The following VWF variants were observed in gnomAD, a reference collection of about 807,000 sequenced individuals.
VWF encodes Factor VIII related antigen.
Under a neutral mutation model 308.6 loss-of-function variants are expected in VWF, and 176 were observed. The observed-to-expected ratio is 0.57, with a 90% CI of 0.50 to 0.65. VWF has a LOEUF of 0.65. Among genes scored for constraint, VWF ranks in the 30% least tolerant of loss-of-function variants. The pLI, the probability that VWF is intolerant of heterozygous loss-of-function variation, is 0.00. For missense variants in VWF, 3,146 were observed against 3,648.2 expected (o/e 0.86, Z 3.55); for synonymous variants, 1,385 against 1,443.4 (o/e 0.96, Z 0.92).
chr12:6,053,858 C>A (rs565337935), intron 15 of VWF, among the ~76,000 whole-genome samples: 1 of 152,238 alleles, frequency 6.6e-6, no homozygotes, highest in Non-Finnish European at 1.5e-5. Flanking sequence ...CCCAGCTCAG[C>A]GGTCCCAAGA....
intron 5 of VWF, among the ~76,000 whole-genome samples, chr12:6,107,670 A>G (rs4485164): frequency 1.3e-5 from 2 of 151,404 alleles, no homozygotes; most frequent in Non-Finnish European, 2.9e-5. Flanking sequence ...ATATATATAT[A>G]TTTTTTGAGA....
intron 40 of VWF, among the ~76,000 whole-genome samples, chr12:5,983,712 TATAA>T (rs1943639096): frequency 2.0e-5 from 3 of 150,948 alleles, no homozygotes; most frequent in African/African-American, 7.3e-5. Flanking sequence ...TAGGATAGAT[TATAA>T]ATAGATACAC....
At position 6,034,699 on chromosome 12, in the gene VWF, C is replaced by T. The variant is rs201072235; in HGVS notation, c.2674G>A (p.Val892Ile). ...TCCCCACCTCTCACCTGCACCAGAACGTACTGGCACTCCCCGGGGAACAGG... is the reference window on the plus strand; with the variant it reads ...TCCCCACCTCTCACCTGCACCAGAATGTACTGGCACTCCCCGGGGAACAGG... ...KYLFPGECQY[V>I]LVQDYCGSNP... is the part of the protein sequence containing the mutation. Residue 892 changes from valine to isoleucine, a missense_variant, in exon 20 of 52, where the codon GTT becomes ATT. Val to Ile is a conservative substitution (Grantham distance 29). Coordinates refer to ENST00000261405, the MANE Select transcript of VWF (RefSeq NM_000552.5). The T allele has an allele frequency of 3.8e-5, 61 of 1,614,062 alleles. 1 individual carries two copies. In the South Asian group the frequency reaches 4.6e-4, roughly 12 times the overall value.
At chr12:6,008,769 A>C (rs549924209) in intron 34 of VWF, among the ~76,000 whole-genome samples, 12 of 152,340 alleles carry the variant, frequency 7.9e-5, no homozygotes, top group Admixed American at 7.8e-4. Flanking sequence ...AAAACTCTAA[A>C]GATTTCACCA....
chr12:5,971,834 T>A, intron 43 of VWF, 125 bp from the exon 44 acceptor site: 1 of 843,122 alleles, frequency 1.2e-6, no homozygotes, highest in Non-Finnish European at 2.0e-6. Context: ...GGCATTTTCA[T>A]CTTTGTTGTC....
At position 6,065,183 on chromosome 12, in the gene VWF, C is replaced by T. The variant is rs137950753; in HGVS notation, c.1247G>A (p.Arg416Gln). 13 of 1,614,038 alleles carry T rather than the reference C, an allele frequency of 8.1e-6. No individual in the cohort carries two copies. Among genetic ancestry groups the T allele is most frequent in the South Asian group, 2.2e-5 (2 of 91,086 alleles). ...GGAGAAGGAGTGGTCCTGGCAATCCCGGGCCAGCAGGTACTGGCAGATCCC... is the reference window on the plus strand; with the variant it reads ...GGAGAAGGAGTGGTCCTGGCAATCCTGGGCCAGCAGGTACTGGCAGATCCC... ...FSGICQYLLA[R>Q]DCQDHSFSIV... The change falls in exon 11 of 52, where the codon CGG becomes CAG. Residue 416 changes from arginine (R) to glutamine (Q), a missense_variant. Physicochemically the swap from Arg to Gln is conservative, Grantham distance 43. Around this residue, in one of 3 missense-constraint regions of VWF, gnomAD observed 1,304 missense variants for 1,353.0 expected, o/e 0.96. Transcript: ENST00000261405.
chr12:6,116,760 G>A (rs1945371157), intron 3 of VWF, among the ~76,000 whole-genome samples: 1 of 152,232 alleles, frequency 6.6e-6, no homozygotes, highest in Admixed American at 6.5e-5. Context: ...AAGGACAGGG[G>A]CCTCGCCTTG....
At chr12:5,986,353 C>T (rs1019850521) in intron 38 of VWF, among the ~76,000 whole-genome samples, 2 of 152,212 alleles carry the variant, frequency 1.3e-5, no homozygotes, top group Admixed American at 1.3e-4. Context: ...GTGATTAGCA[C>T]AGGGTACACA....
At chr12:6,027,571 C>A (rs180977797) in intron 22 of VWF, among the ~76,000 whole-genome samples, 121 of 152,096 alleles carry the variant, frequency 8.0e-4, no homozygotes, top group African/African-American at 2.7e-3. Context: ...CTGTGACAGA[C>A]AGAAGCAGAA....
intron 3 of VWF, among the ~76,000 whole-genome samples, chr12:6,111,848 T>TAAAAATAAGAAGAAAAAAAAAA (rs1200840072): frequency 6.6e-6 from 1 of 151,960 alleles, no homozygotes; most frequent in African/African-American, 2.4e-5. Context: ...GTCCCAGTTC[T>TAAAAATAAGAAGAAAAAAAAAA]TTGGGAGGCT....
chr12:6,034,918 C>T (rs1376513098), intron 19 of VWF, 92 bp from the exon 20 acceptor site: 13 of 1,500,310 alleles, frequency 8.7e-6, no homozygotes, highest in East Asian at 4.7e-5. Context: ...ACACAGAATA[C>T]TCTGGGTGCC....
chr12:6,098,606 A>G (rs1001844316), intron 5 of VWF, among the ~76,000 whole-genome samples: 39 of 151,894 alleles, frequency 2.6e-4, no homozygotes, highest in African/African-American at 9.2e-4. Flanking sequence ...GTGAAACCCC[A>G]TCTCTACTAA....
chr12:5,985,165 G>C (rs781664335), intron 39 of VWF, 46 bp from the exon 40 acceptor site: 1 of 1,574,738 alleles, frequency 6.4e-7, no homozygotes, highest in East Asian at 2.2e-5. Flanking sequence ...TTAGTGGTGG[G>C]ACAGCCTCAG....
At position 6,019,630 on chromosome 12, in the gene VWF, G is replaced by A. The variant is rs758991219; in HGVS notation, c.3788C>T (p.Ser1263Leu). ...SPTTLYVEDI[S>L]EPPLHDFYCS... ...GTAGAAATCGTGCAACGGCGGTTCC[G>A]AGATGTCCTCCACATACAGAGTGGT... Residue 1263 changes from serine to leucine, a missense_variant, in exon 28 of 52, where the codon TCG becomes TTG. Coordinates refer to ENST00000261405, the MANE Select transcript of VWF (RefSeq NM_000552.5). The surrounding 1 kb of genome is among the most constrained non-coding windows in gnomAD (Gnocchi z 5.8). 21 of 1,613,826 alleles carry A rather than the reference G, an allele frequency of 1.3e-5. No homozygotes were observed. The highest frequency in any genetic ancestry group is 2.2e-5 in the South Asian group (2 of 91,076).
intron 22 of VWF, among the ~76,000 whole-genome samples, chr12:6,028,799 C>T (rs1944223711): frequency 1.3e-5 from 2 of 152,146 alleles, no homozygotes; most frequent in South Asian, 4.1e-4. Context: ...CCAGCCACTG[C>T]AAAAACATGC....
At chr12:6,049,245 C>T (rs1449816428) in intron 16 of VWF, among the ~76,000 whole-genome samples, 1 of 152,198 alleles carries the variant, frequency 6.6e-6, no homozygotes, top group East Asian at 1.9e-4. Context: ...CACACCTTCT[C>T]CGTGAAACCC....
At chr12:5,997,026 C>T (rs1210614371) in intron 34 of VWF, among the ~76,000 whole-genome samples, 1 of 152,092 alleles carries the variant, frequency 6.6e-6, no homozygotes, top group Non-Finnish European at 1.5e-5. Context: ...TGAATACATG[C>T]CCAAGAGCTG....
Position 6,056,910 on chromosome 12 carries a change from G to A in VWF, c.1892C>T (p.Ala631Val), listed in dbSNP as rs199963222. The change falls in exon 15 of 52, where the codon GCG (alanine) becomes GTG (valine). Residue 631 changes from alanine (A) to valine (V), a missense_variant. Physicochemically the swap from Ala to Val is moderately conservative, Grantham distance 64 (BLOSUM62 0). This residue lies in a region of VWF where 1,304 missense variants were observed against 1,353.0 expected (regional missense o/e 0.96). Coordinates refer to ENST00000261405, the MANE Select transcript of VWF (RefSeq NM_000552.5). ...GCGCACGCCTCTCCCCGCGCAGGCC[G>A]CGGCATAGCTGGCCAGGGCGCCGCA... is the stretch of plus-strand genomic sequence containing the variant. ...CLCGALASYA[A>V]ACAGRGVRVA... 2.3e-4 allele frequency: 352 copies of A among 1,527,086 alleles called. 2 individuals carry two copies. The highest frequency in any genetic ancestry group is 1.9e-3 in the African/African-American group (137 of 71,810). 94.6% of individuals were successfully genotyped at this position (1,527,086 alleles called of 1,614,324 possible).
chr12:6,022,041 A>G lies in VWF; in HGVS notation c.3539-6T>C, dbSNP rs769590806. On this transcript the variant is annotated splice_region_variant and splice_polypyrimidine_tract_variant and intron_variant, in intron 26 of 51. Coordinates refer to ENST00000261405, the MANE Select transcript of VWF (RefSeq NM_000552.5). Reference sequence around the variant, plus strand: ...AAGCTCATCCAGGATTTTCCCTGCAAAAGAAAGCTCTCATTAGGAACCAAA... The same window carrying G: ...AAGCTCATCCAGGATTTTCCCTGCAGAAGAAAGCTCTCATTAGGAACCAAA... The G allele has an allele frequency of 3.7e-6, 6 of 1,614,034 alleles. No individual in the cohort carries two copies. Among genetic ancestry groups the G allele is most frequent in the Non-Finnish European group, 4.2e-6 (5 of 1,180,016 alleles).
Sources: gnomAD v4.1 joint callset for allele counts (sites outside exome capture counted in the v4.1 genomes callset) on GRCh38, gnomAD v4.1.1 for gene constraint, gnomAD v4.1.1 regional missense constraint, Gnocchi (gnomAD v3.1) non-coding constraint, MANE v1.5 for transcripts, NCBI Gene and HGNC (gene_info 2026-07-23, HGNC 2026-07-21) for gene names.